Variants in TTN observed in about 807,000 individuals in gnomAD.
TTN encodes titin.
Under a neutral mutation model 3,223.0 loss-of-function variants are expected in TTN, and 1,525 were observed. The ratio of observed to expected loss-of-function variants is 0.47; its 90% CI spans 0.45 to 0.49. The LOEUF is 0.49. Ranked by LOEUF, TTN falls within the 20% of genes least tolerant of loss-of-function variation. TTN has a pLI of 0.00. For synonymous variants in TTN, 14,094 were observed against 15,161.0 expected, an observed-to-expected ratio of 0.93 and a Z score of 5.17; for missense variants, 40,786 against 43,424.0, an observed-to-expected ratio of 0.94 and a Z score of 5.40.
Position 178,718,690 on chromosome 2 carries a change from C to A in TTN, c.24505+5G>T. On this transcript the variant is annotated splice_donor_5th_base_variant and intron_variant, in intron 84 of 362. Transcript: ENST00000589042. ...AAGATGTATATATTGGGGGAAAGAG[C>A]AAACCTTTCACAAAAAGATGTGTGG... 6.2e-7 allele frequency: 1 copy of A among 1,612,698 alleles called. No homozygotes were observed. The highest frequency in any genetic ancestry group is 1.1e-5 in the South Asian group (1 of 90,944).
Position 178,601,510 on chromosome 2 carries a change from C to T in TTN, c.55487G>A (p.Cys18496Tyr), listed in dbSNP as rs1576287548. The T allele has an allele frequency of 1.2e-6, 2 of 1,612,924 alleles. No individual in the cohort carries two copies. Among genetic ancestry groups the T allele is most frequent in the African/African-American group, 1.3e-5 (1 of 74,970 alleles). Residue 18496 changes from cysteine (C) to tyrosine (Y), a missense_variant, in exon 287 of 363, where the codon TGC (cysteine) becomes TAC (tyrosine). Cys to Tyr is a radical substitution (Grantham distance 194). Transcript: ENST00000589042. ...LKVSDITRGS[C>Y]RLSWKMPDDD... is the part of the protein sequence containing the mutation. ...GTCTGGCATCTTCCATGAAAGTCTG[C>T]AACTACCCCTTGTGATATCACTGAC...
At position 178,563,842 on chromosome 2, in the gene TTN, T is replaced by G; in HGVS notation, c.82290A>C (p.Lys27430Asn). Residue 27430 changes from lysine (K) to asparagine (N), a missense_variant, in exon 326 of 363, where the codon AAA (lysine) becomes AAC (asparagine). Physicochemically the swap from Lys to Asn is moderately conservative, Grantham distance 94 (BLOSUM62 0). Transcript: ENST00000589042. This position sits in a 1 kb window ranked among gnomAD's most constrained non-coding sequence, Gnocchi z 4.5. ...CATTACCAGGAAGAAGTTTAGTAAC[T>G]TTGTAGTTAAGGGCCTGTACCTCAG... ...VSTEVQALNY[K>N]VTKLLPGNEY... 6.2e-7 allele frequency: 1 copy of G among 1,613,720 alleles called. No homozygotes were observed. Among genetic ancestry groups the G allele is most frequent in the East Asian group, 2.2e-5 (1 of 44,824 alleles).
Position 178,527,768 on chromosome 2 carries a change from C to T in TTN, c.107378-20G>A, listed in dbSNP as rs372721750. On this transcript the variant is annotated intron_variant, in intron 361 of 362. Coordinates refer to ENST00000589042, the MANE Select transcript of TTN (RefSeq NM_001267550.2). ...CTAGAGCTGTGGAGCATAGCAGATA[C>T]ACAGTGAACATCAATGACATCTGGT... The T allele has an allele frequency of 1.2e-5, 19 of 1,546,264 alleles. 1 individual carries two copies. The highest frequency in any genetic ancestry group is 6.8e-5 in the East Asian group (3 of 44,284).
intron 43 of TTN, among the ~76,000 whole-genome samples, chr2:178,760,695 G>A (rs1193397347): frequency 6.6e-6 from 1 of 152,142 alleles, no homozygotes; most frequent in Non-Finnish European, 1.5e-5. Flanking sequence ...TAACACACAT[G>A]GAAGGGCTTT....
rs1020701620 is a variant in TTN, at chr2:178,695,043, AAG to A, written c.31271-139_31271-138del. ...ATGCAGATACATGTATCATTTTTTAAAGAGAGAGATGAGTTCGGTTTTTTTTT... is the reference window on the plus strand; with the variant it reads ...ATGCAGATACATGTATCATTTTTTAAAGAGAGATGAGTTCGGTTTTTTTTT... On this transcript the variant is annotated intron_variant, in intron 115 of 362. Coordinates refer to ENST00000589042, the MANE Select transcript of TTN (RefSeq NM_001267550.2). 1.4e-4 allele frequency: 95 copies of A among 690,248 alleles called. No individual in the cohort carries two copies. In the Admixed American group the frequency reaches 3.2e-3, roughly 23 times the overall value. 42.8% of individuals were successfully genotyped at this position (690,248 alleles called of 1,614,324 possible).
chr2:178,614,760 T>G lies in TTN; in HGVS notation c.48761-7A>C. ...AGGAAGATTTCTGGGGCCTCTGAAT[T>G]GGAAAAGATTATTTATGATGTTATC... On this transcript the variant is annotated splice_polypyrimidine_tract_variant and splice_region_variant and intron_variant, in intron 260 of 362. Coordinates refer to ENST00000589042, the MANE Select transcript of TTN (RefSeq NM_001267550.2). The G allele has an allele frequency of 6.2e-7, 1 of 1,604,000 alleles. No individual in the cohort carries two copies.
Position 178,567,165 on chromosome 2 carries a change from C to T in TTN, c.78967G>A (p.Val26323Ile). 2 of 1,613,394 alleles carry T rather than the reference C, an allele frequency of 1.2e-6. No homozygotes were observed. The highest frequency in any genetic ancestry group is 1.7e-6 in the Non-Finnish European group (2 of 1,179,506). Residue 26323 changes from valine (V) to isoleucine (I), a missense_variant, in exon 326 of 363, where the codon GTT (valine) becomes ATT (isoleucine). Val to Ile is a conservative substitution (Grantham distance 29). Transcript: ENST00000589042. The part of the protein sequence containing the change: ...QDGGSDISHY[V>I]VEKRETSRLA... ...CGACTGGTTTCTCGCTTTTCAACAACATAGTGAGAAATGTCACTGCCACCA... is the reference window on the plus strand; with the variant it reads ...CGACTGGTTTCTCGCTTTTCAACAATATAGTGAGAAATGTCACTGCCACCA...
intron 72 of TTN, 22 bp from the exon 73 acceptor site, chr2:178,724,165 A>T (rs1464199263): frequency 6.3e-7 from 1 of 1,593,792 alleles, no homozygotes; most frequent in Non-Finnish European, 8.5e-7. Flanking sequence ...AAGGTAAGAG[A>T]CTCATCATGA....
rs2154350081 is a variant in TTN at position 178,782,948 on chromosome 2, G to A, written c.2958C>T (p.Ser986=). 6.2e-7 allele frequency: 1 copy of A among 1,614,128 alleles called. No homozygotes were observed. Among genetic ancestry groups the A allele is most frequent in the African/African-American group, 1.3e-5 (1 of 75,044 alleles). The change falls in exon 18 of 363, where the codon TCC becomes TCT. Residue 986 remains serine (S), a synonymous_variant. Coordinates refer to ENST00000589042, the MANE Select transcript of TTN (RefSeq NM_001267550.2). ...WYREDYQIES[S]IDFQITFQSG... ...TCTGGAAGGTTATCTGGAAGTCAAT[G>A]GAACTTTCGATTTGGTAGTCTTCCC... is the stretch of plus-strand genomic sequence containing the variant.
In TTN at chr2:178,568,493, G is replaced by A. The variant is rs1332594097; in HGVS notation, c.77639C>T (p.Thr25880Ile). 1.4e-5 allele frequency: 22 copies of A among 1,613,292 alleles called. No individual in the cohort carries two copies. The highest frequency in any genetic ancestry group is 1.4e-5 in the Non-Finnish European group (17 of 1,179,588). Residue 25880 changes from threonine to isoleucine, a missense_variant, in exon 326 of 363, where the codon ACA becomes ATA. Coordinates refer to ENST00000589042, the MANE Select transcript of TTN (RefSeq NM_001267550.2). ...TAGAGTTACAATTTCGATGGATGCT[G>A]TCTTCTGACCAACAACATTGGCAAC... ...ITVANVVGQKTASIEIVTLDK... is the reference protein window; with the variant it reads ...ITVANVVGQKIASIEIVTLDK...
In TTN at chr2:178,735,841, C is replaced by G. The variant is rs768296194; in HGVS notation, c.14605G>C (p.Ala4869Pro). 1.9e-6 allele frequency: 3 copies of G among 1,613,774 alleles called. No homozygotes were observed. The highest frequency in any genetic ancestry group is 2.5e-6 in the Non-Finnish European group (3 of 1,179,798). The change falls in exon 50 of 363, where the codon GCT becomes CCT. Residue 4869 changes from alanine to proline, a missense_variant. Coordinates refer to ENST00000589042, the MANE Select transcript of TTN (RefSeq NM_001267550.2). ...ATGTCTGCTCCAAACTTGTTGGAAGCCTTACAAGAATAAACTCCTCTATCT... is the reference window on the plus strand; with the variant it reads ...ATGTCTGCTCCAAACTTGTTGGAAGGCTTACAAGAATAAACTCCTCTATCT... The part of the protein sequence containing the change: ...IQDRGVYSCK[A>P]SNKFGADICQ...
In TTN at chr2:178,776,717, C is replaced by T. The variant is rs771659260; in HGVS notation, c.5147G>A (p.Arg1716His). Reference protein sequence around the residue: ...KKKLTSLRLKRFGPAHFECRL... With the variant: ...KKKLTSLRLKHFGPAHFECRL... ...GCATTCAAAGTGGGCAGGCCCAAAG[C>T]GCTTAAGTCTTAAGGAAGTGAGTTT... Residue 1716 changes from arginine (R) to histidine (H), a missense_variant, in exon 28 of 363, where the codon CGC (arginine) becomes CAC (histidine). Physicochemically the swap from Arg to His is conservative, Grantham distance 29. Coordinates refer to ENST00000589042, the MANE Select transcript of TTN (RefSeq NM_001267550.2). 40 of 1,613,952 alleles carry T rather than the reference C, an allele frequency of 2.5e-5. No individual in the cohort carries two copies. The highest frequency in any genetic ancestry group is 1.6e-4 in the Middle Eastern group (1 of 6,082).
At chr2:178,750,273 C>T (rs776050505) in intron 47 of TTN, 4 of 1,613,206 alleles carry the variant, frequency 2.5e-6, no homozygotes, top group South Asian at 1.1e-5. Flanking sequence ...ACTTTATGTG[C>T]TTTGACATCA....
chr2:178,545,093 A>G (rs933189168), intron 344 of TTN, among the ~76,000 whole-genome samples: 2 of 152,190 alleles, frequency 1.3e-5, no homozygotes, highest in African/African-American at 4.8e-5. Flanking sequence ...TTATTACAGT[A>G]CAATGCATTT....
chr2:178,722,062 A>T lies in TTN; in HGVS notation c.22601T>A (p.Phe7534Tyr), dbSNP rs551521928. ...IDVIAGESAD[F>Y]ECHVTGAQPM... ...TTGAGCACCAGTAACATGACACTCA[A>T]AATCAGCACTTTCTCCAGCAATAAC... The change falls in exon 78 of 363, where the codon TTT (phenylalanine) becomes TAT (tyrosine). Residue 7534 changes from phenylalanine (F) to tyrosine (Y), a missense_variant. Physicochemically the swap from Phe to Tyr is conservative, Grantham distance 22 (BLOSUM62 3). Coordinates refer to ENST00000589042, the MANE Select transcript of TTN (RefSeq NM_001267550.2). 37 of 1,612,262 alleles carry T rather than the reference A, an allele frequency of 2.3e-5. No homozygotes were observed. The South Asian group carries it at 4.1e-4, about 18-fold the overall frequency.
rs577667352 is a variant in TTN at position 178,534,053 on chromosome 2, C to T, written c.102562G>A (p.Glu34188Lys). Reference sequence around the variant, plus strand: ...ACATAGAGGATGGCCACTCCATCTTCGTAGGTGATTTCGTATTTCTCACTG... The same window carrying T: ...ACATAGAGGATGGCCACTCCATCTTTGTAGGTGATTTCGTATTTCTCACTG... ...ENSEKYEITY[E>K]DGVAILYVKD... Residue 34188 changes from glutamate to lysine, a missense_variant, in exon 358 of 363, where the codon GAA becomes AAA. Glu to Lys is a moderately conservative substitution (Grantham distance 56). Transcript: ENST00000589042. 3.0e-5 allele frequency: 49 copies of T among 1,613,952 alleles called. No homozygotes were observed. Among genetic ancestry groups the T allele is most frequent in the South Asian group, 1.9e-4 (17 of 91,080 alleles).
At position 178,632,605 on chromosome 2, in the gene TTN, C is replaced by T. The variant is rs751420847; in HGVS notation, c.43401G>A (p.Lys14467=). The T allele has an allele frequency of 1.2e-6, 2 of 1,613,380 alleles. No individual in the cohort carries two copies. The highest frequency in any genetic ancestry group is 1.3e-5 in the African/African-American group (1 of 74,898). The change falls in exon 235 of 363, where the codon AAG becomes AAA. Residue 14467 remains lysine (K), a synonymous_variant. Coordinates refer to ENST00000589042, the MANE Select transcript of TTN (RefSeq NM_001267550.2). ...TTGCTTCATCTTCAAAAGCAGCTGA[C>T]TTGATCACCATTGAATGCTTAGTGC... The part of the protein sequence containing the change: ...KDGTKHSMVI[K]SAAFEDEAKY...
At chr2:178,778,779 C>T in intron 24 of TTN, 95 bp downstream of exon 24, 1 of 1,554,048 alleles carries the variant, frequency 6.4e-7, no homozygotes, top group South Asian at 1.1e-5. Context: ...CCATTTTAGC[C>T]CTCGATTTTC....
At position 178,736,086 on chromosome 2, in the gene TTN, AT is replaced by A. The variant is rs773125043; in HGVS notation, c.14372-13del. On this transcript the variant is annotated splice_polypyrimidine_tract_variant and intron_variant, in intron 49 of 362. Transcript: ENST00000589042. Reference sequence around the variant, plus strand: ...TGGTGGATATGCCTCTGCAAAAGAAATTTTTCCAGCATTACATTTAGTCCCC... The same window carrying A: ...TGGTGGATATGCCTCTGCAAAAGAAATTTTCCAGCATTACATTTAGTCCCC... 1.3e-6 allele frequency: 2 copies of A among 1,540,886 alleles called. No homozygotes were observed. Among genetic ancestry groups the A allele is most frequent in the South Asian group, 1.3e-5 (1 of 77,844 alleles).
Sources: gnomAD v4.1 joint callset for allele counts (sites outside exome capture counted in the v4.1 genomes callset) on GRCh38, gnomAD v4.1.1 for gene constraint, Gnocchi (gnomAD v3.1) non-coding constraint, MANE v1.5 for transcripts, NCBI Gene and HGNC (gene_info 2026-07-23, HGNC 2026-07-21) for gene names.